The following SCN4A variants were observed in gnomAD, a reference collection of about 807,000 sequenced individuals.
SCN4A encodes the protein sodium channel protein type 4 subunit alpha.
Under a neutral mutation model 162.0 loss-of-function variants are expected in SCN4A, and 83 were observed. The observed-to-expected ratio is 0.51, with a 90% CI of 0.43 to 0.61. The LOEUF is 0.61. Among genes scored for constraint, SCN4A ranks in the 20% least tolerant of loss-of-function variants. The probability of loss-of-function intolerance (pLI) is 0.00; values close to 1 mark genes in which losing one functional copy is unlikely to be tolerated. For missense variants in SCN4A, 2,196 were observed against 2,462.5 expected (o/e 0.89, Z 2.29); for synonymous variants, 944 against 985.1 (o/e 0.96, Z 0.78).
chr17:63,947,757 C>A (rs1908771309), intron 17 of SCN4A, 133 bp downstream of exon 17: 11 of 824,194 alleles, frequency 1.3e-5, no homozygotes, highest in Non-Finnish European at 1.9e-5. Flanking sequence ...CTGAGAAGGG[C>A]AGCACTGATT....
intron 5 of SCN4A, among the ~76,000 whole-genome samples, chr17:63,968,900 C>A (rs1027676321): frequency 6.6e-6 from 1 of 152,126 alleles, no homozygotes; most frequent in African/African-American, 2.4e-5. Flanking sequence ...AATGCAGTGG[C>A]GTGATCTTGG....
At chr17:63,964,753 T>C (rs1909384878) in intron 8 of SCN4A, 76 bp from the exon 9 acceptor site, 1 of 1,190,316 alleles carries the variant, frequency 8.4e-7, no homozygotes, top group South Asian at 1.3e-5. Flanking sequence ...TTTCCATACA[T>C]CCATTGCCCG....
intron 13 of SCN4A, among the ~76,000 whole-genome samples, chr17:63,953,695 A>G (rs947327592): frequency 7.2e-5 from 11 of 151,782 alleles, no homozygotes; most frequent in African/African-American, 2.4e-4. Flanking sequence ...GAAAAAAAAA[A>G]AAAGAAAAAG....
At chr17:63,954,819 G>A (rs922764028) in intron 13 of SCN4A, among the ~76,000 whole-genome samples, 2 of 152,138 alleles carry the variant, frequency 1.3e-5, no homozygotes, top group African/African-American at 2.4e-5. Flanking sequence ...TGGTGTGTTC[G>A]TGTGTGCATG....
At position 63,941,655 on chromosome 17, in the gene SCN4A, T is replaced by A. The variant is rs1301449066; in HGVS notation, c.4627A>T (p.Asn1543Tyr). ...GGGGGCCCGCTGTTGAGGATGGGGT[T>A]GAGGAGCCCGTCCCAGCCGGCCGAC... is the stretch of plus-strand genomic sequence containing the variant. ...TTSAGWDGLL[N>Y]PILNSGPPDC... is the part of the protein sequence containing the mutation. Residue 1543 changes from asparagine to tyrosine, a missense_variant, in exon 24 of 24, where the codon AAC (asparagine) becomes TAC (tyrosine). Physicochemically the swap from Asn to Tyr is moderately radical, Grantham distance 143. Coordinates refer to ENST00000435607, the MANE Select transcript of SCN4A (RefSeq NM_000334.4). The surrounding 1 kb of genome is among the most constrained non-coding windows in gnomAD (Gnocchi z 6.2). 6.2e-7 allele frequency: 1 copy of A among 1,613,872 alleles called. No homozygotes were observed. Among genetic ancestry groups the A allele is most frequent in the Non-Finnish European group, 8.5e-7 (1 of 1,179,972 alleles).
At chr17:63,958,105 C>A (rs1319961819) in intron 12 of SCN4A, among the ~76,000 whole-genome samples, 1 of 151,908 alleles carries the variant, frequency 6.6e-6, no homozygotes, top group African/African-American at 2.4e-5. Flanking sequence ...GCAGTTGGCT[C>A]ACACCTGTAA....
chr17:63,952,721 C>G (rs868062296), intron 13 of SCN4A, among the ~76,000 whole-genome samples: 8 of 148,738 alleles, frequency 5.4e-5, no homozygotes, highest in African/African-American at 2.1e-4. Context: ...TGTCCCACAT[C>G]CCTACGGAAA....
chr17:63,962,449 T>C (rs1452255279), intron 10 of SCN4A, among the ~76,000 whole-genome samples: 2 of 152,142 alleles, frequency 1.3e-5, no homozygotes, highest in Non-Finnish European at 2.9e-5. Flanking sequence ...CTCCTGGCCT[T>C]GGTGGGCTGT....
chr17:63,968,426 A>C (rs1204982442), intron 5 of SCN4A, 71 bp from the exon 6 acceptor site: 25 of 1,299,446 alleles, frequency 1.9e-5, no homozygotes, highest in Non-Finnish European at 2.6e-5. Context: ...CGCGGCCCCC[A>C]CCGCCAAGCT....
chr17:63,958,015 A>G (rs986077084), intron 12 of SCN4A, among the ~76,000 whole-genome samples: 47 of 146,576 alleles, frequency 3.2e-4, no homozygotes, highest in African/African-American at 1.2e-3. Flanking sequence ...AAAAAAAAAA[A>G]AAAAGAAAAA....
chr17:63,945,093 G>T lies in SCN4A; in HGVS notation c.3721-33C>A. The T allele has an allele frequency of 6.2e-7, 1 of 1,605,796 alleles. No individual in the cohort carries two copies. Reference sequence around the variant, plus strand: ...AGTGTGGTTGGGGAGTGAGCCGGGGGGCTGCTCCCTGCTTTCATCATCCAT... The same window carrying T: ...AGTGTGGTTGGGGAGTGAGCCGGGGTGCTGCTCCCTGCTTTCATCATCCAT... On this transcript the variant is annotated intron_variant, in intron 19 of 23. Coordinates refer to ENST00000435607, the MANE Select transcript of SCN4A (RefSeq NM_000334.4). The surrounding 1 kb of genome is among the most constrained non-coding windows in gnomAD (Gnocchi z 4.4).
Position 63,964,676 on chromosome 17 carries a change from G to A in SCN4A, c.1244C>T (p.Thr415Ile). 1.2e-6 allele frequency: 2 copies of A among 1,603,168 alleles called. No homozygotes were observed. The highest frequency in any genetic ancestry group is 1.7e-6 in the Non-Finnish European group (2 of 1,175,544). Residue 415 changes from threonine to isoleucine, a missense_variant and splice_region_variant, in exon 9 of 24, where the codon ACC becomes ATC. By Grantham distance (89) the Thr-to-Ile change is moderately conservative. Coordinates refer to ENST00000435607, the MANE Select transcript of SCN4A (RefSeq NM_000334.4). ...GTAGGTCTTGCCAGCTGCTCGAAGG[G>A]TCTGGGAGTGGAGGGAGAGGGAGTG... Reference protein sequence around the residue: ...QDYWENLFQLTLRAAGKTYMI... With the variant: ...QDYWENLFQLILRAAGKTYMI...
intron 10 of SCN4A, 123 bp downstream of exon 10, chr17:63,963,548 CA>C: frequency 9.5e-7 from 1 of 1,050,428 alleles, no homozygotes; most frequent in South Asian, 2.0e-5. Context: ...ACCCTGACCT[CA>C]GGGGCCTGAA....
intron 3 of SCN4A, 115 bp from the exon 4 acceptor site, chr17:63,971,965 T>C: frequency 1.6e-6 from 2 of 1,250,376 alleles, no homozygotes; most frequent in East Asian, 4.8e-5. Flanking sequence ...CTCAGGTGGC[T>C]AAGGACACTA....
Position 63,949,988 on chromosome 17 carries a change from T to C in SCN4A, c.2854-460A>G, listed in dbSNP as rs529938394. Among the ~76,000 whole-genome samples the C allele has an allele frequency of 2.0e-5, 3 of 152,246 alleles. No individual in the cohort carries two copies. The South Asian group carries it at 6.2e-4, about 32-fold the overall frequency. ...AGCCTTCCCACCCGCAGGGTCTGTT[T>C]GGCTGAGGAATCCAGAAAGGGTGGA... On this transcript the variant is annotated intron_variant, in intron 14 of 23. Transcript: ENST00000435607.
In SCN4A at chr17:63,944,554, A is replaced by T; in HGVS notation, c.3912+119T>A. 8.5e-7 allele frequency: 1 copy of T among 1,178,050 alleles called. No homozygotes were observed. The highest frequency in any genetic ancestry group is 1.2e-6 in the Non-Finnish European group (1 of 844,602). The allele number at this position is 1,178,050 out of a possible 1,614,324, so 73.0% of individuals were successfully genotyped here. A position where few individuals can be genotyped will look rare whatever the true frequency, so the allele number is the denominator to read the frequency against. The stretch of plus-strand genomic sequence containing the variant: ...ACTGGGACCCAAGCTAGCTGCCTGA[A>T]CCAACAACCTGGTAGGTGCTCAGGC... On this transcript the variant is annotated intron_variant, in intron 21 of 23. Transcript: ENST00000435607. This position sits in a 1 kb window ranked among gnomAD's most constrained non-coding sequence, Gnocchi z 4.3.
Position 63,954,443 on chromosome 17 carries a change from G to T in SCN4A, c.2377-2543C>A, listed in dbSNP as rs541264895. Among the ~76,000 whole-genome samples, 2 of 152,134 alleles carry T rather than the reference G, an allele frequency of 1.3e-5. 1 individual carries two copies. Among genetic ancestry groups the T allele is most frequent in the African/African-American group, 4.8e-5 (2 of 41,406 alleles). ...AATTAGCTGCTCTCTGGGTCAGCAG[G>T]GTTTGCACACGGCTCCTGCCCAAGA... On this transcript the variant is annotated intron_variant, in intron 13 of 23. Transcript: ENST00000435607.
chr17:63,947,015 GC>G (rs1567818727), intron 18 of SCN4A, 29 bp downstream of exon 18: 2 of 785,214 alleles, frequency 2.5e-6, no homozygotes, highest in Non-Finnish European at 4.1e-6. Flanking sequence ...CCCATCCCCA[GC>G]CCACCCCAGA....
chr17:63,945,729 T>C lies in SCN4A; in HGVS notation c.3442-91A>G. ...CGCCACCCAGGGGACCAGGCAGAGC[T>C]GGGCATTGTCAATTAGGGAGGGCTT... On this transcript the variant is annotated intron_variant, in intron 18 of 23. Transcript: ENST00000435607. The surrounding 1 kb of genome is among the most constrained non-coding windows in gnomAD (Gnocchi z 4.4). 7.8e-7 allele frequency: 1 copy of C among 1,288,776 alleles called. No homozygotes were observed. The allele number at this position is 1,288,776 out of a possible 1,614,324, so 79.8% of individuals were successfully genotyped here. A position where few individuals can be genotyped will look rare whatever the true frequency, so the allele number is the denominator to read the frequency against.
Sources: allele counts gnomAD v4.1 joint callset (sites outside exome capture counted in the v4.1 genomes callset), GRCh38; gene constraint gnomAD v4.1.1; non-coding constraint Gnocchi (gnomAD v3.1); transcripts MANE v1.5; gene names NCBI Gene and HGNC (gene_info 2026-07-23, HGNC 2026-07-21).